CTNND2: variants seen among roughly 807,000 people sequenced by gnomAD.
The protein encoded by CTNND2 is catenin delta-2.
CTNND2 carries 22 observed loss-of-function variants against 144.4 expected under a neutral mutation model. That is an observed-to-expected ratio of 0.15 (90% confidence interval 0.11 to 0.22). CTNND2 has a LOEUF of 0.22. CTNND2 is among the 10% of genes least tolerant of loss of function. The pLI is 1.00. For synonymous variants in CTNND2, 751 were observed against 695.6 expected, an observed-to-expected ratio of 1.08 and a Z score of -1.25; for missense variants, 1,353 against 1,618.8, an observed-to-expected ratio of 0.84 and a Z score of 2.82.
chr5:11,236,849 G>T (rs1382532061), intron 9 of CTNND2, 26 bp from the exon 10 acceptor site: 1 of 1,613,408 alleles, frequency 6.2e-7, no homozygotes, highest in Non-Finnish European at 8.5e-7. Context: ...GAAGCGGGGA[G>T]AATATGAGAG....
At chr5:11,463,735 C>T (rs1178733239) in intron 3 of CTNND2, among the ~76,000 whole-genome samples, 2 of 151,356 alleles carry the variant, frequency 1.3e-5, no homozygotes, top group Admixed American at 1.3e-4. Context: ...AAAAAGCAAA[C>T]CTACTCACTC....
rs545238851 is a variant in CTNND2, at chr5:11,691,100, G to A, written c.174+41036C>T. Among the ~76,000 whole-genome samples the A allele has an allele frequency of 2.6e-3, 402 of 152,236 alleles. 3 individuals carry two copies. Among genetic ancestry groups the A allele is most frequent in the African/African-American group, 9.2e-3 (384 of 41,544 alleles). ...CTTAAAAGAAATAATGGCCGGGCGC[G>A]GTGGCTCACACCTGTAATCCCAGCA... is the stretch of plus-strand genomic sequence containing the variant. On this transcript the variant is annotated intron_variant, in intron 2 of 21. Transcript: ENST00000304623.
chr5:11,464,240 G>GC (rs1766465916), intron 3 of CTNND2, among the ~76,000 whole-genome samples: 1 of 152,134 alleles, frequency 6.6e-6, no homozygotes, highest in African/African-American at 2.4e-5. Context: ...AAATAAATAA[G>GC]TACATAATTC....
intron 1 of CTNND2, among the ~76,000 whole-genome samples, chr5:11,760,125 T>A (rs1789176911): frequency 6.6e-6 from 1 of 151,706 alleles, no homozygotes; most frequent in African/African-American, 2.4e-5. Context: ...ATAATTAATA[T>A]AGCAATTGGA....
intron 3 of CTNND2, among the ~76,000 whole-genome samples, chr5:11,559,663 T>C (rs1212954755): frequency 1.3e-5 from 2 of 152,182 alleles, no homozygotes; most frequent in East Asian, 1.9e-4. Flanking sequence ...CAGGAGTAGC[T>C]GGAGGGTGCA....
At chr5:10,991,745 G>T (rs1314199929) in intron 19 of CTNND2, among the ~76,000 whole-genome samples, 1 of 152,180 alleles carries the variant, frequency 6.6e-6, no homozygotes, top group Non-Finnish European at 1.5e-5. Context: ...ATTTATCAGT[G>T]GCATCTGCCG....
At chr5:11,426,320 G>A (rs1046358766) in intron 3 of CTNND2, among the ~76,000 whole-genome samples, 14 of 152,176 alleles carry the variant, frequency 9.2e-5, no homozygotes, top group African/African-American at 3.1e-4. Flanking sequence ...CTACACATAT[G>A]TGCTCAGATA....
At chr5:11,473,682 A>C (rs1767454039) in intron 3 of CTNND2, among the ~76,000 whole-genome samples, 1 of 152,248 alleles carries the variant, frequency 6.6e-6, no homozygotes, top group Non-Finnish European at 1.5e-5. Flanking sequence ...AGAGAAGGAC[A>C]CAGCAGGTGT....
chr5:11,774,052 T>C (rs1790103407), intron 1 of CTNND2, among the ~76,000 whole-genome samples: 1 of 152,074 alleles, frequency 6.6e-6, no homozygotes, highest in African/African-American at 2.4e-5. Flanking sequence ...GAATTGAAAC[T>C]AGGTACCAAA....
chr5:11,887,835 G>C (rs1736668675), intron 1 of CTNND2, among the ~76,000 whole-genome samples: 2 of 152,102 alleles, frequency 1.3e-5, no homozygotes, highest in South Asian at 4.1e-4. Flanking sequence ...GAGGCATACT[G>C]GTCAGGCATT....
At chr5:11,600,406 T>C (rs949369439) in intron 2 of CTNND2, among the ~76,000 whole-genome samples, 6 of 152,090 alleles carry the variant, frequency 3.9e-5, no homozygotes, top group African/African-American at 7.2e-5. Context: ...TGTGTGCAAA[T>C]TTTTTATATG....
intron 17 of CTNND2, among the ~76,000 whole-genome samples, chr5:11,022,522 T>C (rs1742359410): frequency 6.6e-6 from 1 of 152,132 alleles, no homozygotes; most frequent in Non-Finnish European, 1.5e-5. Context: ...CAAAATACCT[T>C]CATGTATCCA....
At chr5:11,814,175 T>C (rs185745120) in intron 1 of CTNND2, among the ~76,000 whole-genome samples, 109 of 152,380 alleles carry the variant, frequency 7.2e-4, no homozygotes, top group African/African-American at 2.6e-3. Context: ...AATTAAGTTG[T>C]ACCTAAAACA....
At chr5:11,263,299 C>T (rs1745102447) in intron 9 of CTNND2, among the ~76,000 whole-genome samples, 1 of 152,076 alleles carries the variant, frequency 6.6e-6, no homozygotes, top group Non-Finnish European at 1.5e-5. Context: ...AAATGCATCT[C>T]AGTATTTAAT....
chr5:11,250,491 C>CTATATATATATATATATATATATATA (rs1285130441), intron 9 of CTNND2, among the ~76,000 whole-genome samples: 1 of 64,120 alleles, frequency 1.6e-5, no homozygotes, highest in Non-Finnish European at 2.5e-5. Flanking sequence ...CTCTCTCTCT[C>CTATATATATATATATATATATATATA]TATATATATA....
At chr5:11,376,031 C>T (rs935298909) in intron 7 of CTNND2, among the ~76,000 whole-genome samples, 1 of 152,000 alleles carries the variant, frequency 6.6e-6, no homozygotes, top group African/African-American at 2.4e-5. Context: ...GGGATTAGTG[C>T]CCTTACACCC....
At chr5:11,030,257 T>A (rs766216685) in intron 16 of CTNND2, among the ~76,000 whole-genome samples, 1 of 152,142 alleles carries the variant, frequency 6.6e-6, no homozygotes, top group Non-Finnish European at 1.5e-5. Context: ...TCTCATTGAG[T>A]CTTGAATGTT....
chr5:11,382,644 TGTAG>T (rs1329450591), intron 7 of CTNND2, among the ~76,000 whole-genome samples: 7 of 144,204 alleles, frequency 4.9e-5, no homozygotes, highest in African/African-American at 1.8e-4. Flanking sequence ...TGTGTGTGTG[TGTAG>T]AATGATGAAT....
rs558829249 is a variant in CTNND2, at chr5:11,551,538, C to T, written c.287+13406G>A. Among the ~76,000 whole-genome samples, 15 of 150,716 alleles carry T rather than the reference C, an allele frequency of 1.0e-4. No individual in the cohort carries two copies. In the South Asian group the frequency reaches 3.2e-3, roughly 32 times the overall value. ...TGCAACCTCTTCCTCCCACCTCAGC[C>T]TCCTGAGTAGCCGGTAACTACAGAT... On this transcript the variant is annotated intron_variant, in intron 3 of 21. Transcript: ENST00000304623.
Sources: allele counts gnomAD v4.1 joint callset (sites outside exome capture counted in the v4.1 genomes callset), GRCh38; gene constraint gnomAD v4.1.1; transcripts MANE v1.5; gene names NCBI Gene and HGNC (gene_info 2026-07-23, HGNC 2026-07-21).